The following PCCA variants were observed in gnomAD, a reference collection of about 807,000 sequenced individuals.
PCCA encodes propionyl-CoA carboxylase subunit alpha, also known as propionyl-CoA carboxylase alpha chain, mitochondrial.
PCCA carries 74 observed loss-of-function variants against 101.3 expected under a neutral mutation model. That is an observed-to-expected ratio of 0.73 (90% confidence interval 0.61 to 0.89). The LOEUF (loss-of-function observed/expected upper bound fraction) is 0.89, where lower values mean the gene tolerates loss of function less well. Ranked by LOEUF, PCCA falls within the 40% of genes least tolerant of loss-of-function variation. The pLI is 0.00. For missense variants in PCCA, 891 were observed against 907.0 expected, an observed-to-expected ratio of 0.98 and a Z score of 0.23; for synonymous variants, 294 against 313.6, an observed-to-expected ratio of 0.94 and a Z score of 0.66.
chr13:100,490,434 T>A (rs1225700755), intron 21 of PCCA: 1 of 152,204 alleles, frequency 6.6e-6, no homozygotes, highest in African/African-American at 2.4e-5. Flanking sequence ...CCTCACACTT[T>A]GGAGGGAGCT....
intron 1 of PCCA, among the ~76,000 whole-genome samples, chr13:100,093,138 A>G (rs2046426872): frequency 7.3e-6 from 1 of 137,188 alleles, no homozygotes; most frequent in Non-Finnish European, 1.5e-5. Flanking sequence ...GGGAAGAAAC[A>G]CTTTTTTGGT....
intron 7 of PCCA, among the ~76,000 whole-genome samples, chr13:100,224,315 G>A (rs2060012451): frequency 6.6e-6 from 1 of 152,236 alleles, no homozygotes; most frequent in Non-Finnish European, 1.5e-5. Flanking sequence ...TCATTGCCCG[G>A]GGCCGGCAGG....
chr13:100,209,360 C>T lies in PCCA; in HGVS notation c.497C>T (p.Pro166Leu). Residue 166 changes from proline to leucine, a missense_variant, in exon 7 of 24, where the codon CCT becomes CTT. Transcript: ENST00000376285. ...GCAGAAGATGTCGTTTTCATTGGAC[C>T]TGACACACATGCTATTCAAGCCATG... Reference protein sequence around the residue: ...LAAEDVVFIGPDTHAIQAMGD... With the variant: ...LAAEDVVFIGLDTHAIQAMGD... 1.9e-6 allele frequency: 3 copies of T among 1,613,388 alleles called. No individual in the cohort carries two copies. The highest frequency in any genetic ancestry group is 2.5e-6 in the Non-Finnish European group (3 of 1,179,396).
At chr13:100,319,634 T>C (rs1487701390) in intron 16 of PCCA, among the ~76,000 whole-genome samples, 1 of 152,206 alleles carries the variant, frequency 6.6e-6, no homozygotes, top group East Asian at 1.9e-4. Context: ...TTGTCAAAGA[T>C]CAGATAGTTG....
chr13:100,177,929 T>C (rs1253177678), intron 6 of PCCA, among the ~76,000 whole-genome samples: 1 of 152,120 alleles, frequency 6.6e-6, no homozygotes, highest in Non-Finnish European at 1.5e-5. Context: ...TAATCATTAA[T>C]ATGAAAGTGA....
At chr13:100,161,307 T>TA (rs2054445351) in intron 6 of PCCA, 1 of 152,212 alleles carries the variant, frequency 6.6e-6, no homozygotes, top group African/African-American at 2.4e-5. Flanking sequence ...TATCAAAATT[T>TA]AAAACATCTA....
intron 8 of PCCA, chr13:100,237,185 A>T (rs1377456436): frequency 6.6e-6 from 1 of 152,220 alleles, no homozygotes; most frequent in Non-Finnish European, 1.5e-5. Flanking sequence ...GTTCTTTGCA[A>T]ATGGGACAGT....
chr13:100,275,518 T>A (rs1162092512), intron 12 of PCCA, among the ~76,000 whole-genome samples: 5 of 152,206 alleles, frequency 3.3e-5, no homozygotes, highest in Non-Finnish European at 4.4e-5. Flanking sequence ...AGTTCACGTG[T>A]GCCTCTGTAA....
chr13:100,323,028 G>T (rs1334003608), intron 16 of PCCA, among the ~76,000 whole-genome samples: 5 of 152,218 alleles, frequency 3.3e-5, no homozygotes, highest in African/African-American at 1.2e-4. Context: ...TAGAATACAT[G>T]TTGATGCATA....
intron 12 of PCCA, among the ~76,000 whole-genome samples, chr13:100,277,995 C>T (rs143823732): frequency 3.7e-4 from 56 of 152,184 alleles, no homozygotes; most frequent in African/African-American, 1.3e-3. Context: ...ATACTTGTAG[C>T]ATTTTATAGG....
At chr13:100,455,722 C>T (rs1481677079) in intron 21 of PCCA, among the ~76,000 whole-genome samples, 1 of 151,510 alleles carries the variant, frequency 6.6e-6, no homozygotes, top group African/African-American at 2.4e-5. Context: ...TTTTTTGAGA[C>T]AGAGTCTCCC....
At position 100,348,791 on chromosome 13, in the gene PCCA, C is replaced by CCTTT. The variant is rs1566976726; in HGVS notation, c.1643+8535_1643+8536insTCTT. Among the ~76,000 whole-genome samples, 9 of 49,960 alleles carry CCTTT rather than the reference C, an allele frequency of 1.8e-4. No individual in the cohort carries two copies. In the East Asian group the frequency reaches 3.6e-3, roughly 20 times the overall value. 32.8% of individuals were successfully genotyped at this position (49,960 alleles called of 152,430 possible). On this transcript the variant is annotated intron_variant, in intron 18 of 23. Coordinates refer to ENST00000376285, the MANE Select transcript of PCCA (RefSeq NM_000282.4). ...TTCTTTCTTTCTTTCTTTCTTTCTTCCTTCCTTCCTTCCTTCCTTCCTTCC... is the reference window on the plus strand; with the variant it reads ...TTCTTTCTTTCTTTCTTTCTTTCTTCCTTTCTTCCTTCCTTCCTTCCTTCCTTCC...
intron 4 of PCCA, among the ~76,000 whole-genome samples, chr13:100,137,658 C>T (rs568665096): frequency 6.6e-6 from 1 of 152,194 alleles, no homozygotes; most frequent in East Asian, 1.9e-4. Context: ...GCATTCCAGC[C>T]TTTATTTGCT....
intron 4 of PCCA, among the ~76,000 whole-genome samples, chr13:100,145,410 A>G (rs943912800): frequency 2.6e-5 from 4 of 152,212 alleles, no homozygotes; most frequent in African/African-American, 4.8e-5. Flanking sequence ...GACATTGCCA[A>G]CTGTGTCCTG....
intron 7 of PCCA, among the ~76,000 whole-genome samples, chr13:100,229,076 AT>A (rs555603818): frequency 0.066 from 9,691 of 147,136 alleles, 402 homozygotes; most frequent in African/African-American, 0.097. Context: ...GTAGAATTTG[AT>A]TTTTTTTTTT....
chr13:100,407,890 C>G (rs912216935), intron 19 of PCCA, among the ~76,000 whole-genome samples: 5 of 152,248 alleles, frequency 3.3e-5, no homozygotes, highest in Middle Eastern at 3.4e-3. Flanking sequence ...GTGGTTCATG[C>G]CTGTAATTCC....
rs993331054 is a variant in PCCA at position 100,097,828 on chromosome 13, A to G, written c.106-5055A>G. Among the ~76,000 whole-genome samples, 9 of 152,020 alleles carry G rather than the reference A, an allele frequency of 5.9e-5. No individual in the cohort carries two copies. In the South Asian group the frequency reaches 1.9e-3, roughly 32 times the overall value. The stretch of plus-strand genomic sequence containing the variant: ...GCAGTTCAAGACCAGCCTGGGGAAA[A>G]TAGTGAGAACCCCCCAGCCGCCCAG... On this transcript the variant is annotated intron_variant, in intron 1 of 23. Coordinates refer to ENST00000376285, the MANE Select transcript of PCCA (RefSeq NM_000282.4).
chr13:100,262,682 T>C (rs2062604436), intron 9 of PCCA, 47 bp from the exon 10 acceptor site: 3 of 757,270 alleles, frequency 4.0e-6, no homozygotes, highest in South Asian at 2.8e-5. Flanking sequence ...CCCTTCCCCT[T>C]CCCCTCCCTC....
chr13:100,188,542 A>G (rs2057499880), intron 6 of PCCA, among the ~76,000 whole-genome samples: 1 of 152,184 alleles, frequency 6.6e-6, no homozygotes, highest in South Asian at 2.1e-4. Flanking sequence ...TCTTTTTTGT[A>G]TAATGATTTA....
Sources: allele counts gnomAD v4.1 joint callset (sites outside exome capture counted in the v4.1 genomes callset), GRCh38; gene constraint gnomAD v4.1.1; transcripts MANE v1.5; gene names NCBI Gene and HGNC (gene_info 2026-07-23, HGNC 2026-07-21).